Variants in CLIP2 observed in about 807,000 individuals in gnomAD.
The protein encoded by CLIP2 is CAP-Gly domain-containing linker protein 2.
CLIP2 carries 41 observed loss-of-function variants against 111.7 expected under a neutral mutation model. The ratio of observed to expected loss-of-function variants is 0.37; its 90% CI spans 0.29 to 0.48. The LOEUF (loss-of-function observed/expected upper bound fraction) is 0.48. Ranked by LOEUF, CLIP2 falls within the 20% of genes least tolerant of loss-of-function variation. CLIP2 has a pLI of 0.99. For missense variants in CLIP2, 1,160 were observed against 1,422.1 expected (o/e 0.82, Z 2.96); for synonymous variants, 660 against 644.2 (o/e 1.02, Z -0.37).
At chr7:74,320,155 C>T (rs1486911998) in intron 2 of CLIP2, among the ~76,000 whole-genome samples, 6 of 143,130 alleles carry the variant, frequency 4.2e-5, no homozygotes, top group African/African-American at 1.6e-4. Context: ...GAGATTGCGC[C>T]ACTGCACTCC....
chr7:74,297,439 C>T (rs1788201841), intron 1 of CLIP2, among the ~76,000 whole-genome samples: 1 of 151,840 alleles, frequency 6.6e-6, no homozygotes, highest in African/African-American at 2.4e-5. Context: ...ATTGTGCTAC[C>T]ACCCTCCAGC....
intron 6 of CLIP2, 108 bp from the exon 7 acceptor site, chr7:74,360,067 G>C (rs1790281821): frequency 1.2e-6 from 1 of 849,216 alleles, no homozygotes; most frequent in Admixed American, 2.4e-5. Flanking sequence ...AAGTTGGGGT[G>C]ACTGGGGTTC....
At chr7:74,339,198 T>C (rs1458426352) in intron 3 of CLIP2, among the ~76,000 whole-genome samples, 194 bp downstream of exon 3, 15 of 152,224 alleles carry the variant, frequency 9.9e-5, no homozygotes, top group African/African-American at 3.6e-4. Context: ...ATGTGGGCTC[T>C]GGAGACTGTT....
At chr7:74,337,165 G>A (rs1378472916) in intron 2 of CLIP2, among the ~76,000 whole-genome samples, 1 of 152,070 alleles carries the variant, frequency 6.6e-6, no homozygotes, top group East Asian at 1.9e-4. Flanking sequence ...TGGGATTATA[G>A]GCATGAGCCA....
intron 2 of CLIP2, among the ~76,000 whole-genome samples, chr7:74,321,496 G>A (rs782593010): frequency 6.6e-6 from 1 of 151,952 alleles, no homozygotes; most frequent in Admixed American, 6.6e-5. Flanking sequence ...TTGAGATACA[G>A]TCTCGCTCTG....
chr7:74,344,309 A>G (rs371680387), intron 3 of CLIP2, among the ~76,000 whole-genome samples: 5 of 152,078 alleles, frequency 3.3e-5, no homozygotes, highest in Non-Finnish European at 5.9e-5. Context: ...TAGCTTCTCA[A>G]TCTTTAAGTA....
At chr7:74,290,060 C>A (rs1352820447) in intron 1 of CLIP2, among the ~76,000 whole-genome samples, 11 of 152,212 alleles carry the variant, frequency 7.2e-5, no homozygotes, top group African/African-American at 2.7e-4. Flanking sequence ...GGGTTTGGCC[C>A]TTCTGTTGGA....
chr7:74,298,355 G>GTTTTTT (rs1564023938), intron 1 of CLIP2, among the ~76,000 whole-genome samples: 35 of 107,960 alleles, frequency 3.2e-4, no homozygotes, highest in African/African-American at 8.8e-4. Context: ...CCTGCTAATT[G>GTTTTTT]GTTTTTTTTT....
intron 3 of CLIP2, among the ~76,000 whole-genome samples, 163 bp from the exon 4 acceptor site, chr7:74,353,717 C>T (rs1028253567): frequency 6.6e-6 from 1 of 152,190 alleles, no homozygotes; most frequent in Non-Finnish European, 1.5e-5. Context: ...GTTAACCTGT[C>T]TCCATCTCAA....
intron 1 of CLIP2, among the ~76,000 whole-genome samples, chr7:74,302,798 A>T (rs1188997300): frequency 6.6e-6 from 1 of 152,148 alleles, no homozygotes; most frequent in African/African-American, 2.4e-5. Flanking sequence ...CCAGCCCTGG[A>T]TCTGCTGTGA....
rs137869816 is a variant in CLIP2 at position 74,338,377 on chromosome 7, T to A, written c.122-71T>A. On this transcript the variant is annotated intron_variant, in intron 2 of 16. Coordinates refer to ENST00000223398, the MANE Select transcript of CLIP2 (RefSeq NM_003388.5). This position sits in a 1 kb window ranked among gnomAD's most constrained non-coding sequence, Gnocchi z 4.3. ...TCAGCCACCTCCCAACCCTAGACTC[T>A]GTGCTCCTGGGGCCACCCAGGGGCC... The A allele has an allele frequency of 1.6e-4, 248 of 1,519,712 alleles. No individual in the cohort carries two copies. The African/African-American group carries it at 3.3e-3, about 20-fold the overall frequency. The allele number at this position is 1,519,712 out of a possible 1,614,324, so 94.1% of individuals were successfully genotyped here. A position where few individuals can be genotyped will look rare whatever the true frequency, so the allele number is the denominator to read the frequency against.
intron 2 of CLIP2, among the ~76,000 whole-genome samples, chr7:74,326,721 C>T (rs911335352): frequency 2.0e-5 from 3 of 152,026 alleles, no homozygotes; most frequent in African/African-American, 7.2e-5. Flanking sequence ...ACTGCAACCT[C>T]CACCTCCTGG....
chr7:74,344,824 G>A (rs1789757812), intron 3 of CLIP2, among the ~76,000 whole-genome samples: 1 of 152,146 alleles, frequency 6.6e-6, no homozygotes. Flanking sequence ...AGGAGGGGCT[G>A]AGAAAGCAGT....
At chr7:74,392,242 T>C (rs1294276837) in intron 13 of CLIP2, among the ~76,000 whole-genome samples, 1 of 150,132 alleles carries the variant, frequency 6.7e-6, no homozygotes, top group Non-Finnish European at 1.5e-5. Flanking sequence ...TCCCAGCTAC[T>C]GGGGAGGCTG....
chr7:74,338,662 G>A lies in CLIP2; in HGVS notation c.336G>A (p.Val112=). ...QFAPGQWAGV[V]LDDPVGKNDG... Reference sequence around the variant, plus strand: ...CACCGGGCCAGTGGGCTGGCGTGGTGCTGGACGACCCGGTGGGCAAGAATG... The same window carrying A: ...CACCGGGCCAGTGGGCTGGCGTGGTACTGGACGACCCGGTGGGCAAGAATG... Residue 112 remains valine, a synonymous_variant, in exon 3 of 17, where the codon GTG becomes GTA. Transcript: ENST00000223398. This position sits in a 1 kb window ranked among gnomAD's most constrained non-coding sequence, Gnocchi z 4.3. 1 of 1,574,774 alleles carries A rather than the reference G, an allele frequency of 6.4e-7. No individual in the cohort carries two copies. Among genetic ancestry groups the A allele is most frequent in the Non-Finnish European group, 8.6e-7 (1 of 1,163,218 alleles).
intron 16 of CLIP2, 70 bp from the exon 17 acceptor site, chr7:74,403,767 C>A: frequency 1.3e-6 from 2 of 1,559,208 alleles, no homozygotes; most frequent in African/African-American, 2.7e-5. Flanking sequence ...TCCTCCCTGA[C>A]TCCCCTCTGG....
At chr7:74,355,377 AG>A (rs572810807) in intron 4 of CLIP2, among the ~76,000 whole-genome samples, 138 of 152,286 alleles carry the variant, frequency 9.1e-4, no homozygotes, top group Non-Finnish European at 1.6e-3. Context: ...TGGGAGGCTG[AG>A]GCTGGAGGAT....
chr7:74,355,556 G>T (rs573157509), intron 4 of CLIP2, among the ~76,000 whole-genome samples: 24 of 152,268 alleles, frequency 1.6e-4, no homozygotes, highest in African/African-American at 5.1e-4. Context: ...GCTGCAGTGA[G>T]CTATGATCGC....
At chr7:74,295,389 A>G (rs185464591) in intron 1 of CLIP2, among the ~76,000 whole-genome samples, 1 of 152,268 alleles carries the variant, frequency 6.6e-6, no homozygotes, top group East Asian at 1.9e-4. Flanking sequence ...GGCTCAGTGA[A>G]AAACTCACCA....
Sources: allele counts gnomAD v4.1 joint callset (sites outside exome capture counted in the v4.1 genomes callset), GRCh38; gene constraint gnomAD v4.1.1; non-coding constraint Gnocchi (gnomAD v3.1); transcripts MANE v1.5; gene names NCBI Gene and HGNC (gene_info 2026-07-23, HGNC 2026-07-21).